TMEM196: variants seen among roughly 807,000 people sequenced by gnomAD.
TMEM196 encodes the protein transmembrane protein 196.
A neutral mutation model predicts 20.0 loss-of-function variants in TMEM196; 17 were observed. The observed-to-expected ratio is 0.85, with a 90% CI of 0.58 to 1.27. TMEM196 has a LOEUF of 1.27. Among genes scored for constraint, TMEM196 ranks in the 50% most tolerant of loss-of-function variants. The pLI is 0.00. For synonymous variants in TMEM196, 113 were observed against 88.9 expected, an observed-to-expected ratio of 1.27 and a Z score of -1.52; for missense variants, 267 against 223.0, an observed-to-expected ratio of 1.20 and a Z score of -1.26.
rs1312535026 is a variant in TMEM196, at chr7:19,720,403, T to C, written c.*1725A>G. 6.6e-6 allele frequency: 1 copy of C among 152,040 alleles called. No homozygotes were observed. 9.4% of individuals were successfully genotyped at this position (152,040 alleles called of 1,614,324 possible). On this transcript the variant is annotated 3_prime_UTR_variant, in exon 5 of 5. Coordinates refer to ENST00000405844, the MANE Select transcript of TMEM196 (RefSeq NM_001363562.2). Reference sequence around the variant, plus strand: ...AATGATCATTACTGTGTTAGCACAATTAAAACTCATGTTTTGTTTATAAAT... The same window carrying C: ...AATGATCATTACTGTGTTAGCACAACTAAAACTCATGTTTTGTTTATAAAT...
chr7:19,742,851 A>C (rs139771925), intron 1 of TMEM196, among the ~76,000 whole-genome samples: 161 of 152,178 alleles, frequency 1.1e-3, no homozygotes, highest in African/African-American at 3.6e-3. Flanking sequence ...TGTCTCACAT[A>C]CTCTAAGGAC....
chr7:19,724,252 C>T (rs745595468), intron 4 of TMEM196, 28 bp downstream of exon 4: 4 of 1,547,388 alleles, frequency 2.6e-6, no homozygotes, highest in Non-Finnish European at 2.6e-6. Flanking sequence ...GACATTACAA[C>T]ATGGTAACTC....
intron 1 of TMEM196, among the ~76,000 whole-genome samples, chr7:19,751,710 A>G (rs1784967810): frequency 1.3e-5 from 2 of 152,208 alleles, no homozygotes; most frequent in African/African-American, 4.8e-5. Flanking sequence ...TGAGCATCTG[A>G]TGGGTACAGA....
At position 19,772,829 on chromosome 7, in the gene TMEM196, T is replaced by C. The variant is rs1321984630; in HGVS notation, c.-133A>G. 3.4e-6 allele frequency: 3 copies of C among 881,922 alleles called. No homozygotes were observed. The highest frequency in any genetic ancestry group is 4.6e-6 in the Non-Finnish European group (3 of 652,960). 54.6% of individuals were successfully genotyped at this position (881,922 alleles called of 1,614,324 possible). A position where few individuals can be genotyped will look rare whatever the true frequency, so the allele number is the denominator to read the frequency against. ...TTTTCTTTCTTCAAGAGCGAGGCAT[T>C]ATCCACAAGGGCTGGATTTCCAGAA... On this transcript the variant is annotated 5_prime_UTR_variant, in exon 1 of 5. In the 5' UTR this introduces an upstream ATG that the reference lacks. Transcript: ENST00000405844.
chr7:19,725,448 T>G, intron 3 of TMEM196, 66 bp downstream of exon 3: 1 of 1,499,736 alleles, frequency 6.7e-7, no homozygotes, highest in Non-Finnish European at 9.0e-7. Context: ...TTCAAGTTGA[T>G]TCACCCAGAG....
Position 19,725,480 on chromosome 7 carries a change from T to G in TMEM196, c.459+34A>C, listed in dbSNP as rs765684510. The G allele has an allele frequency of 9.5e-6, 15 of 1,582,920 alleles. No homozygotes were observed. The South Asian group carries it at 1.7e-4, about 18-fold the overall frequency. ...AGAGTGGACTTCAGTCTTCATCATG[T>G]GCTAGCAGTGAGAGGAAAAGGTACA... On this transcript the variant is annotated intron_variant, in intron 3 of 4. Transcript: ENST00000405844.
chr7:19,734,069 TCA>T (rs376658440), intron 1 of TMEM196, among the ~76,000 whole-genome samples: 35 of 151,970 alleles, frequency 2.3e-4, no homozygotes, highest in African/African-American at 8.2e-4. Context: ...GGTGGGGCAC[TCA>T]CATCAAAAAA....
At chr7:19,723,654 A>G (rs1417099947) in intron 4 of TMEM196, among the ~76,000 whole-genome samples, 1 of 152,180 alleles carries the variant, frequency 6.6e-6, no homozygotes, top group East Asian at 1.9e-4. Context: ...TTTGGGCTGG[A>G]CCAATGTGAC....
At chr7:19,760,200 C>T (rs966147594) in intron 1 of TMEM196, among the ~76,000 whole-genome samples, 1 of 152,088 alleles carries the variant, frequency 6.6e-6, no homozygotes, top group African/African-American at 2.4e-5. Flanking sequence ...TTTACTCACG[C>T]TATTCCTCTG....
At position 19,720,116 on chromosome 7, in the gene TMEM196, A is replaced by G; in HGVS notation, c.*2012T>C. On this transcript the variant is annotated 3_prime_UTR_variant, in exon 5 of 5. Coordinates refer to ENST00000405844, the MANE Select transcript of TMEM196 (RefSeq NM_001363562.2). Reference sequence around the variant, plus strand: ...GATGTAATTTAGATTTTCATTGGCAAAGATCATGCCTGTTTGTGGCATTGA... The same window carrying G: ...GATGTAATTTAGATTTTCATTGGCAGAGATCATGCCTGTTTGTGGCATTGA... 6.6e-6 allele frequency: 1 copy of G among 152,072 alleles called. No homozygotes were observed. Among genetic ancestry groups the G allele is most frequent in the East Asian group, 1.9e-4 (1 of 5,200 alleles). The allele number at this position is 152,072 out of a possible 1,614,324, so 9.4% of individuals were successfully genotyped here.
At chr7:19,763,699 C>T (rs368277665) in intron 1 of TMEM196, among the ~76,000 whole-genome samples, 57 of 151,950 alleles carry the variant, frequency 3.8e-4, no homozygotes, top group Non-Finnish European at 7.5e-4. Flanking sequence ...CTATAAACGA[C>T]GAATAGAAAC....
chr7:19,748,082 T>A (rs1784825288), intron 1 of TMEM196, among the ~76,000 whole-genome samples: 1 of 152,000 alleles, frequency 6.6e-6, no homozygotes, highest in Non-Finnish European at 1.5e-5. Flanking sequence ...GTCTCTCCCA[T>A]GCATATTTAT....
chr7:19,749,853 A>G (rs577211931), intron 1 of TMEM196, among the ~76,000 whole-genome samples: 24 of 152,318 alleles, frequency 1.6e-4, no homozygotes, highest in Middle Eastern at 3.4e-3. Context: ...TCAGTGAGTC[A>G]TGCAATCTTA....
intron 1 of TMEM196, among the ~76,000 whole-genome samples, chr7:19,737,526 G>T (rs1387454036): frequency 6.6e-6 from 1 of 151,864 alleles, no homozygotes; most frequent in African/African-American, 2.4e-5. Flanking sequence ...TTTTTTCATA[G>T]ATAGATGGAT....
chr7:19,752,313 T>C lies in TMEM196; in HGVS notation c.147+20237A>G, dbSNP rs185920134. 3.0e-3 allele frequency among the ~76,000 whole-genome samples: 460 copies of C among 152,298 alleles called. 2 individuals carry two copies. Among genetic ancestry groups the C allele is most frequent in the African/African-American group, 0.01 (430 of 41,572 alleles). On this transcript the variant is annotated intron_variant, in intron 1 of 4. Transcript: ENST00000405844. ...CACTCACCACTTTTCCTGTGTCTAT[T>C]ACTCTTATTACTGTTCTCTCAAAAC...
intron 4 of TMEM196, 88 bp from the exon 5 acceptor site, chr7:19,722,222 A>G (rs1783838110): frequency 2.6e-6 from 3 of 1,140,864 alleles, no homozygotes; most frequent in Middle Eastern, 2.1e-4. Context: ...AGAAATTTCA[A>G]TCCATTGAAA....
At chr7:19,733,786 C>T (rs1784296285) in intron 1 of TMEM196, among the ~76,000 whole-genome samples, 2 of 152,080 alleles carry the variant, frequency 1.3e-5, no homozygotes, top group Admixed American at 1.3e-4. Context: ...AAGATCAACC[C>T]CAGATATAAG....
At chr7:19,748,263 CAAAAAAA>C (rs57276805) in intron 1 of TMEM196, among the ~76,000 whole-genome samples, 3 of 20,776 alleles carry the variant, frequency 1.4e-4, no homozygotes, top group African/African-American at 5.1e-4. Flanking sequence ...TGTGGCTGTC[CAAAAAAA>C]AAAAAAAAAA....
intron 1 of TMEM196, among the ~76,000 whole-genome samples, chr7:19,761,797 T>C (rs548365612): frequency 5.3e-5 from 8 of 152,236 alleles, no homozygotes; most frequent in African/African-American, 1.9e-4. Context: ...ATGCACACAC[T>C]TCTAAAGAAA....
Sources: gnomAD v4.1 joint callset for allele counts (sites outside exome capture counted in the v4.1 genomes callset) on GRCh38, gnomAD v4.1.1 for gene constraint, MANE v1.5 for transcripts, NCBI Gene and HGNC (gene_info 2026-07-23, HGNC 2026-07-21) for gene names.